The following ROBO2 variants were observed in gnomAD, a reference collection of about 807,000 sequenced individuals.
ROBO2 encodes roundabout guidance receptor 2.
Under a neutral mutation model 160.8 loss-of-function variants are expected in ROBO2, and 53 were observed. The ratio of observed to expected loss-of-function variants is 0.33; its 90% CI spans 0.26 to 0.41. ROBO2 has a LOEUF of 0.41. ROBO2 is among the 10% of genes least tolerant of loss of function. The pLI, the probability that ROBO2 is intolerant of heterozygous loss-of-function variation, is 1.00. For synonymous variants in ROBO2, 664 were observed against 611.7 expected (o/e 1.09, Z -1.26); for missense variants, 1,577 against 1,722.4 (o/e 0.92, Z 1.49).
rs558877420 is a variant in ROBO2, at chr3:77,308,478, G to A, written c.389-168936G>A. 1.6e-3 allele frequency among the ~76,000 whole-genome samples: 237 copies of A among 152,204 alleles called. 3 individuals are homozygous for A. The highest frequency in any genetic ancestry group is 4.7e-3 in the Admixed American group (72 of 15,292). Reference sequence around the variant, plus strand: ...GGACTCCCAACGTTGTGTCAGTGACGCTGGATATATCCAAATAGACTGATA... The same window carrying A: ...GGACTCCCAACGTTGTGTCAGTGACACTGGATATATCCAAATAGACTGATA... On this transcript the variant is annotated intron_variant, in intron 2 of 25. Coordinates refer to ENST00000461745, the Ensembl canonical transcript of ROBO2.
At chr3:77,140,375 A>G (rs193084024) in intron 2 of ROBO2, among the ~76,000 whole-genome samples, 60 of 152,324 alleles carry the variant, frequency 3.9e-4, no homozygotes, top group Admixed American at 2.5e-3. Context: ...TCAGTTCAGT[A>G]AACACTGAAG....
At chr3:76,163,262 A>G (rs2072706145) in intron 2 of ROBO2, among the ~76,000 whole-genome samples, 1 of 151,908 alleles carries the variant, frequency 6.6e-6, no homozygotes, top group South Asian at 2.1e-4. Context: ...TTTTTCATCA[A>G]TCAATATAAT....
At chr3:77,461,892 A>G (rs1021968924) in intron 2 of ROBO2, among the ~76,000 whole-genome samples, 3 of 151,900 alleles carry the variant, frequency 2.0e-5, no homozygotes, top group African/African-American at 7.2e-5. Flanking sequence ...CACCCAGCTA[A>G]TTTTTGTATT....
intron 15 of ROBO2, among the ~76,000 whole-genome samples, chr3:77,579,144 T>TTC (rs2093846281): frequency 1.3e-5 from 2 of 152,154 alleles, no homozygotes; most frequent in Non-Finnish European, 2.9e-5. Context: ...TATTGTATAA[T>TTC]ATGAATACAA....
chr3:77,526,544 G>T (rs1028829677), intron 6 of ROBO2, among the ~76,000 whole-genome samples: 2 of 151,486 alleles, frequency 1.3e-5, no homozygotes, highest in East Asian at 3.9e-4. Context: ...TATTGCTTTT[G>T]TATAAAATGG....
At chr3:76,535,725 C>G (rs1168921745) in intron 2 of ROBO2, among the ~76,000 whole-genome samples, 3 of 152,006 alleles carry the variant, frequency 2.0e-5, no homozygotes, top group Non-Finnish European at 4.4e-5. Context: ...AGTTTAGAAG[C>G]CTGGCTAACA....
intron 2 of ROBO2, among the ~76,000 whole-genome samples, chr3:76,027,743 A>T (rs2066790530): frequency 6.6e-6 from 1 of 151,948 alleles, no homozygotes; most frequent in Admixed American, 6.6e-5. Flanking sequence ...AACTTACAGG[A>T]CACCCATTTA....
At chr3:75,907,514 G>T (rs1336397893) in intron 1 of ROBO2, among the ~76,000 whole-genome samples, 2 of 152,058 alleles carry the variant, frequency 1.3e-5, no homozygotes, top group African/African-American at 2.4e-5. Context: ...GGAACTTCAG[G>T]CTCTCTAGAC....
chr3:76,603,108 G>T (rs1333561410), intron 2 of ROBO2, among the ~76,000 whole-genome samples: 2 of 151,568 alleles, frequency 1.3e-5, no homozygotes, highest in Non-Finnish European at 2.9e-5. Flanking sequence ...GAGGCGGGCA[G>T]ATCATGAGGT....
intron 2 of ROBO2, among the ~76,000 whole-genome samples, chr3:76,400,437 T>A (rs2077748464): frequency 1.3e-5 from 2 of 151,618 alleles, no homozygotes; most frequent in Admixed American, 1.3e-4. Flanking sequence ...CATTATCACC[T>A]TAGCTAGTTG....
intron 2 of ROBO2, among the ~76,000 whole-genome samples, chr3:76,288,479 G>C (rs1283548084): frequency 1.3e-5 from 2 of 151,540 alleles, no homozygotes; most frequent in African/African-American, 4.8e-5. Flanking sequence ...GATCAGACTA[G>C]ATCTTTTTTT....
In ROBO2 at chr3:76,622,245, A is replaced by AGAAAGAAAGAAAGAAGGAAG. The variant is rs2089213059; in HGVS notation, c.110-475754_110-475753insGGAAGGAAAGAAAGAAAGAA. Among the ~76,000 whole-genome samples the AGAAAGAAAGAAAGAAGGAAG allele has an allele frequency of 1.8e-4, 8 of 44,166 alleles. 1 individual carries two copies. The highest frequency in any genetic ancestry group is 3.1e-4 in the Non-Finnish European group (7 of 22,604). The allele number at this position is 44,166 out of a possible 152,430, so 29.0% of individuals were successfully genotyped here. ...AAGGAAGGAAGGAAGGAAGAAAGAAAGAAAGAAAGAAAGAAAGAAAGAAAG... is the reference window on the plus strand; with the variant it reads ...AAGGAAGGAAGGAAGGAAGAAAGAAAGAAAGAAAGAAAGAAGGAAGGAAAGAAAGAAAGAAAGAAAGAAAG... On this transcript the variant is annotated intron_variant, in intron 2 of 26. Transcript: ENST00000487694.
At chr3:77,177,356 C>T (rs969784197) in intron 2 of ROBO2, among the ~76,000 whole-genome samples, 33 of 151,890 alleles carry the variant, frequency 2.2e-4, no homozygotes, top group Non-Finnish European at 4.9e-4. Context: ...GTAGTACAGT[C>T]ATCCCTCAGC....
At chr3:77,371,979 G>A (rs1047744767) in intron 2 of ROBO2, among the ~76,000 whole-genome samples, 1 of 152,160 alleles carries the variant, frequency 6.6e-6, no homozygotes, top group Admixed American at 6.5e-5. Context: ...TTCCATTCCA[G>A]GATTTGAGTT....
intron 6 of ROBO2, among the ~76,000 whole-genome samples, chr3:77,538,640 C>A (rs1049985779): frequency 1.3e-5 from 2 of 152,152 alleles, no homozygotes; most frequent in Non-Finnish European, 2.9e-5. Flanking sequence ...TCAAATCCAA[C>A]ATTTCCATGG....
rs2065594478 is a variant in ROBO2, at chr3:75,992,244, A to G, written c.109+54642A>G. ...GGTCTTTGTGGTAGCCCTTCCCATC[A>G]CAGGCCCAGAGGTTTAGGAGAAAAA... On this transcript the variant is annotated intron_variant, in intron 2 of 26. Coordinates refer to the ROBO2 transcript ENST00000487694. Among the ~76,000 whole-genome samples the G allele has an allele frequency of 1.3e-5, 2 of 152,138 alleles. 1 individual carries two copies. Among genetic ancestry groups the G allele is most frequent in the South Asian group, 4.1e-4 (2 of 4,824 alleles).
At chr3:76,773,809 C>A (rs1404128106) in intron 2 of ROBO2, among the ~76,000 whole-genome samples, 1 of 150,282 alleles carries the variant, frequency 6.7e-6, no homozygotes, top group Admixed American at 6.6e-5. Context: ...GGGAAAAATC[C>A]TTGCAAAATG....
chr3:76,364,516 G>A (rs74946297), intron 2 of ROBO2, among the ~76,000 whole-genome samples: 6,693 of 151,898 alleles, frequency 0.044, 269 homozygotes, highest in East Asian at 0.2. Context: ...AAAAGTACAG[G>A]TTATGTAGAA....
intron 2 of ROBO2, among the ~76,000 whole-genome samples, chr3:77,140,166 A>G (rs995390382): frequency 1.3e-5 from 2 of 152,226 alleles, no homozygotes; most frequent in Non-Finnish European, 2.9e-5. Context: ...TGTTAACAAC[A>G]TGACCTCGTA....
Sources: allele counts gnomAD v4.1 joint callset (sites outside exome capture counted in the v4.1 genomes callset), GRCh38; gene constraint gnomAD v4.1.1; transcripts MANE v1.5; gene names NCBI Gene and HGNC (gene_info 2026-07-23, HGNC 2026-07-21).